Variants in ERBB4 observed in about 807,000 individuals in gnomAD.
ERBB4 encodes erb-b2 receptor tyrosine kinase 4.
In ERBB4, 42 loss-of-function variants were observed where a neutral mutation model predicts 158.0. The ratio of observed to expected loss-of-function variants is 0.27; its 90% CI spans 0.21 to 0.34. The LOEUF (loss-of-function observed/expected upper bound fraction) is 0.34. ERBB4 is among the 10% of genes least tolerant of loss of function. The probability of loss-of-function intolerance (pLI) is 1.00; values close to 1 mark genes in which losing one functional copy is unlikely to be tolerated. For missense variants in ERBB4, 1,333 were observed against 1,624.1 expected, an observed-to-expected ratio of 0.82 and a Z score of 3.08; for synonymous variants, 583 against 558.7, an observed-to-expected ratio of 1.04 and a Z score of -0.61.
At chr2:212,256,011 T>A (rs2084721877) in intron 1 of ERBB4, among the ~76,000 whole-genome samples, 1 of 117,242 alleles carries the variant, frequency 8.5e-6, no homozygotes, top group Non-Finnish European at 1.9e-5. Context: ...ATTTTTTTTT[T>A]ACAAATGGGG....
intron 20 of ERBB4, among the ~76,000 whole-genome samples, chr2:211,531,344 A>G (rs1290390766): frequency 3.9e-5 from 6 of 152,152 alleles, no homozygotes; most frequent in Admixed American, 3.9e-4. Flanking sequence ...AAGCTTTTGC[A>G]CAGCAAAGGG....
chr2:211,963,846 A>C (rs2125182001), intron 2 of ERBB4, among the ~76,000 whole-genome samples: 1 of 152,314 alleles, frequency 6.6e-6, no homozygotes, highest in South Asian at 2.1e-4. Context: ...TCTCTGAGAA[A>C]GTATCTTTTG....
At chr2:211,748,791 T>C (rs928364550) in intron 5 of ERBB4, among the ~76,000 whole-genome samples, 1 of 152,234 alleles carries the variant, frequency 6.6e-6, no homozygotes, top group Non-Finnish European at 1.5e-5. Flanking sequence ...AAATGACCAG[T>C]GGATATCTAG....
intron 19 of ERBB4, among the ~76,000 whole-genome samples, chr2:211,564,062 A>G (rs1574759674): frequency 6.6e-6 from 1 of 152,200 alleles, no homozygotes; most frequent in South Asian, 2.1e-4. Context: ...CAACTTCATT[A>G]TACTGACAAA....
chr2:211,722,311 A>C (rs2074126099), intron 7 of ERBB4, 82 bp downstream of exon 7: 2 of 1,116,544 alleles, frequency 1.8e-6, no homozygotes, highest in Non-Finnish European at 2.7e-6. Flanking sequence ...TACAAGTTTC[A>C]CATTAAAATA....
intron 1 of ERBB4, among the ~76,000 whole-genome samples, chr2:212,170,492 T>C (rs1468353218): frequency 2.0e-5 from 3 of 152,188 alleles, no homozygotes; most frequent in Admixed American, 6.5e-5. Flanking sequence ...CAAATGTCAA[T>C]GGCCAAGACA....
chr2:212,479,865 A>G (rs1435258731), intron 1 of ERBB4, among the ~76,000 whole-genome samples: 1 of 152,200 alleles, frequency 6.6e-6, no homozygotes, highest in Non-Finnish European at 1.5e-5. Flanking sequence ...TCATTTTAAC[A>G]GAGGACTTCA....
chr2:211,525,069 A>C (rs2066309360), intron 20 of ERBB4, among the ~76,000 whole-genome samples: 1 of 152,160 alleles, frequency 6.6e-6, no homozygotes, highest in South Asian at 2.1e-4. Flanking sequence ...AAGCCTCACC[A>C]CTGCAAGCTG....
chr2:211,917,758 G>A (rs1368003473), intron 3 of ERBB4, among the ~76,000 whole-genome samples: 1 of 152,200 alleles, frequency 6.6e-6, no homozygotes, highest in East Asian at 1.9e-4. Flanking sequence ...AGCTACTTGA[G>A]TCAGATTCTG....
chr2:212,337,911 C>T (rs1486654686), intron 1 of ERBB4, among the ~76,000 whole-genome samples: 2 of 152,016 alleles, frequency 1.3e-5, no homozygotes. Flanking sequence ...GATGAAGGAA[C>T]TTAACTCATA....
chr2:211,589,628 T>C (rs2068399458), intron 19 of ERBB4, among the ~76,000 whole-genome samples: 1 of 152,150 alleles, frequency 6.6e-6, no homozygotes, highest in Non-Finnish European at 1.5e-5. Context: ...GTATTGATAA[T>C]ATAGAATAAC....
chr2:212,184,394 C>A (rs2081957052), intron 1 of ERBB4, among the ~76,000 whole-genome samples: 1 of 152,058 alleles, frequency 6.6e-6, no homozygotes, highest in South Asian at 2.1e-4. Flanking sequence ...CCCTTTAATA[C>A]TTATATATAT....
intron 1 of ERBB4, among the ~76,000 whole-genome samples, chr2:212,401,824 G>A (rs547414557): frequency 2.0e-5 from 3 of 151,916 alleles, no homozygotes; most frequent in East Asian, 3.9e-4. Flanking sequence ...TTGAAAACTC[G>A]GGATGCCATT....
At chr2:212,374,868 G>C (rs763243625) in intron 1 of ERBB4, among the ~76,000 whole-genome samples, 15 of 151,758 alleles carry the variant, frequency 9.9e-5, no homozygotes, top group Non-Finnish European at 1.9e-4. Context: ...GGGAAAGTAA[G>C]AGGTCTGTTA....
chr2:212,185,711 G>C (rs1183727450), intron 1 of ERBB4, among the ~76,000 whole-genome samples: 3 of 152,032 alleles, frequency 2.0e-5, no homozygotes, highest in Non-Finnish European at 1.5e-5. Flanking sequence ...TGGAATTTGG[G>C]AGAAGTCTGG....
intron 1 of ERBB4, among the ~76,000 whole-genome samples, chr2:212,490,093 T>A (rs2106196344): frequency 6.6e-6 from 1 of 152,034 alleles, no homozygotes; most frequent in South Asian, 2.1e-4. Flanking sequence ...ACCTTCTGTC[T>A]AATTCATAAA....
intron 1 of ERBB4, among the ~76,000 whole-genome samples, chr2:212,538,182 C>A (rs915122845): frequency 2.0e-5 from 3 of 152,160 alleles, no homozygotes; most frequent in Non-Finnish European, 2.9e-5. Context: ...CGCTTAGGCT[C>A]CCAAACAAAA....
At chr2:212,294,069 G>A (rs2086320919) in intron 1 of ERBB4, among the ~76,000 whole-genome samples, 2 of 151,644 alleles carry the variant, frequency 1.3e-5, no homozygotes, top group South Asian at 2.1e-4. Context: ...GTAATAAAGA[G>A]GATAATCTCT....
At chr2:212,007,977 A>G (rs1216543854) in intron 2 of ERBB4, among the ~76,000 whole-genome samples, 1 of 152,032 alleles carries the variant, frequency 6.6e-6, no homozygotes, top group Non-Finnish European at 1.5e-5. Flanking sequence ...TATATTGGAT[A>G]GTCAGGAAAT....
Sources: allele counts gnomAD v4.1 joint callset (sites outside exome capture counted in the v4.1 genomes callset), GRCh38; gene constraint gnomAD v4.1.1; transcripts MANE v1.5; gene names NCBI Gene and HGNC (gene_info 2026-07-23, HGNC 2026-07-21).